Variants in AUH observed in about 807,000 individuals in gnomAD.
AUH encodes the protein AU RNA binding methylglutaconyl-CoA hydratase, also known as methylglutaconyl-CoA hydratase, mitochondrial.
A neutral mutation model predicts 42.3 loss-of-function variants in AUH; 29 were observed. That is an observed-to-expected ratio of 0.69 (90% confidence interval 0.51 to 0.93). The LOEUF (loss-of-function observed/expected upper bound fraction) is 0.93, where lower values mean the gene tolerates loss of function less well. AUH is among the 40% of genes least tolerant of loss of function. The pLI, the probability that AUH is intolerant of heterozygous loss-of-function variation, is 0.00. For missense variants in AUH, 452 were observed against 438.1 expected, an observed-to-expected ratio of 1.03 and a Z score of -0.28; for synonymous variants, 174 against 166.4, an observed-to-expected ratio of 1.05 and a Z score of -0.35.
intron 6 of AUH, among the ~76,000 whole-genome samples, chr9:91,292,945 T>C (rs1209459550): frequency 2.0e-5 from 3 of 152,192 alleles, no homozygotes; most frequent in Admixed American, 1.3e-4. Flanking sequence ...ATTTTGGTAA[T>C]TTTCACAATA....
chr9:91,302,407 T>C (rs559956959), intron 4 of AUH, among the ~76,000 whole-genome samples: 9 of 152,136 alleles, frequency 5.9e-5, no homozygotes, highest in Middle Eastern at 6.8e-3. Flanking sequence ...CTGACCAACA[T>C]AGAGAAACCC....
chr9:91,279,544 C>T (rs1453586593), intron 6 of AUH, among the ~76,000 whole-genome samples: 2 of 152,086 alleles, frequency 1.3e-5, no homozygotes, highest in Non-Finnish European at 2.9e-5. Context: ...TGGCAGAAGG[C>T]AAAGGGGGAG....
At chr9:91,234,631 T>G (rs1828074972) in intron 6 of AUH, among the ~76,000 whole-genome samples, 1 of 151,858 alleles carries the variant, frequency 6.6e-6, no homozygotes. Flanking sequence ...CAAATAAAGC[T>G]TATTTAAGTT....
chr9:91,214,992 G>A (rs1826738318), intron 9 of AUH, among the ~76,000 whole-genome samples: 1 of 152,116 alleles, frequency 6.6e-6, no homozygotes, highest in East Asian at 1.9e-4. Context: ...GGGCTCTGAG[G>A]CTATTTCTAA....
At chr9:91,301,468 G>A (rs1434620976) in intron 4 of AUH, among the ~76,000 whole-genome samples, 2 of 152,162 alleles carry the variant, frequency 1.3e-5, no homozygotes, top group Admixed American at 6.5e-5. Context: ...ATTCTGGGAG[G>A]CCAAGGACGA....
chr9:91,301,656 C>A (rs1270990684), intron 4 of AUH, among the ~76,000 whole-genome samples: 1 of 152,156 alleles, frequency 6.6e-6, no homozygotes, highest in African/African-American at 2.4e-5. Flanking sequence ...ACACCAGGGT[C>A]ACTGCAAAAA....
intron 6 of AUH, among the ~76,000 whole-genome samples, chr9:91,260,994 C>G (rs1829678425): frequency 6.6e-6 from 1 of 152,162 alleles, no homozygotes. Flanking sequence ...CTAGACATCT[C>G]AAATAGTTGT....
chr9:91,287,234 T>G (rs539397960), intron 6 of AUH, among the ~76,000 whole-genome samples: 19 of 152,226 alleles, frequency 1.2e-4, no homozygotes, highest in African/African-American at 4.6e-4. Context: ...TAATCTTAAT[T>G]TATTCATGAG....
intron 3 of AUH, among the ~76,000 whole-genome samples, chr9:91,343,792 A>C: frequency 6.6e-6 from 1 of 152,254 alleles, no homozygotes; most frequent in East Asian, 1.9e-4. Flanking sequence ...TAAAAGGATA[A>C]GGAATAATAT....
At chr9:91,214,516 C>T in intron 9 of AUH, 91 bp from the exon 10 acceptor site, 1 of 1,098,080 alleles carries the variant, frequency 9.1e-7, no homozygotes. Flanking sequence ...CTTAGAACCA[C>T]ATTCTAAAAT....
intron 6 of AUH, among the ~76,000 whole-genome samples, chr9:91,239,392 T>C (rs1828373466): frequency 6.6e-6 from 1 of 152,218 alleles, no homozygotes; most frequent in Non-Finnish European, 1.5e-5. Flanking sequence ...CAGGTTGTTT[T>C]TTCCTTGAAC....
intron 6 of AUH, among the ~76,000 whole-genome samples, chr9:91,247,864 T>C (rs1040884998): frequency 7.2e-5 from 11 of 152,350 alleles, no homozygotes; most frequent in African/African-American, 2.4e-4. Flanking sequence ...CTAAGTTGCT[T>C]TGTTTTCTTA....
At chr9:91,307,054 T>G (rs1828279821) in intron 4 of AUH, among the ~76,000 whole-genome samples, 1 of 152,170 alleles carries the variant, frequency 6.6e-6, no homozygotes, top group Non-Finnish European at 1.5e-5. Context: ...TGATACAAGT[T>G]CAGTAATTGC....
chr9:91,236,227 C>T (rs1013564834), intron 6 of AUH, among the ~76,000 whole-genome samples: 8 of 137,944 alleles, frequency 5.8e-5, no homozygotes, highest in Non-Finnish European at 1.2e-4. Flanking sequence ...TTTTCCATCC[C>T]TAGCAATTTC....
intron 6 of AUH, among the ~76,000 whole-genome samples, chr9:91,243,697 C>A (rs1470013448): frequency 6.6e-6 from 1 of 152,224 alleles, no homozygotes; most frequent in East Asian, 1.9e-4. Context: ...TCCCACCCTG[C>A]ACCTTCTGGG....
chr9:91,298,572 G>A (rs373359823), intron 4 of AUH, among the ~76,000 whole-genome samples: 2 of 152,194 alleles, frequency 1.3e-5, no homozygotes, highest in African/African-American at 4.8e-5. Context: ...GCATTGGCCC[G>A]TGAGCTGTCA....
intron 6 of AUH, among the ~76,000 whole-genome samples, chr9:91,288,394 G>A (rs887549284): frequency 6.6e-6 from 1 of 152,106 alleles, no homozygotes; most frequent in South Asian, 2.1e-4. Flanking sequence ...TATTCTCCCA[G>A]TTGGGAGAGG....
intron 6 of AUH, among the ~76,000 whole-genome samples, chr9:91,295,033 C>G (rs1489366587): frequency 6.6e-6 from 1 of 152,104 alleles, no homozygotes; most frequent in African/African-American, 2.4e-5. Flanking sequence ...GGCGGGTTTC[C>G]CCCATACTAT....
At chr9:91,219,591 T>A (rs910783054) in intron 7 of AUH, among the ~76,000 whole-genome samples, 2 of 152,240 alleles carry the variant, frequency 1.3e-5, no homozygotes, top group African/African-American at 4.8e-5. Context: ...GAGCATCTAC[T>A]GAATGTATGG....
Sources: gnomAD v4.1 joint callset for allele counts (sites outside exome capture counted in the v4.1 genomes callset) on GRCh38, gnomAD v4.1.1 for gene constraint, MANE v1.5 for transcripts, NCBI Gene and HGNC (gene_info 2026-07-23, HGNC 2026-07-21) for gene names.